The following ZNF565 variants were observed in gnomAD, a reference collection of about 807,000 sequenced individuals.
ZNF565 encodes the protein zinc finger protein 565.
A neutral mutation model predicts 39.4 loss-of-function variants in ZNF565; 27 were observed. The ratio of observed to expected loss-of-function variants is 0.69; its 90% confidence interval spans 0.51 to 0.95. ZNF565 has a LOEUF of 0.95. Among genes scored for constraint, ZNF565 ranks in the 40% least tolerant of loss-of-function variants. The probability of loss-of-function intolerance (pLI) is 0.00; values close to 1 mark genes in which losing one functional copy is unlikely to be tolerated. For synonymous variants in ZNF565, 185 were observed against 216.6 expected (o/e 0.85, Z 1.28); for missense variants, 524 against 621.1 (o/e 0.84, Z 1.66).
intron 1 of ZNF565, chr19:36,236,628 A>G: frequency 1.2e-6 from 2 of 1,614,224 alleles, no homozygotes; most frequent in East Asian, 2.2e-5. Flanking sequence ...ATTAAACATC[A>G]GAACACCCAT....
intron 1 of ZNF565, among the ~76,000 whole-genome samples, chr19:36,230,148 A>G (rs767840681): frequency 2.6e-5 from 4 of 152,228 alleles, no homozygotes; most frequent in Non-Finnish European, 4.4e-5. Flanking sequence ...ACTACATAGC[A>G]TTTACTTTTT....
rs772972004 is a variant in ZNF565 at position 36,182,815 on chromosome 19, ACT to A, written c.1149_1150del (p.Arg383SerfsTer9). 9 of 1,614,006 alleles carry A rather than the reference ACT, an allele frequency of 5.6e-6. No homozygotes were observed. Among genetic ancestry groups the A allele is most frequent in the African/African-American group, 1.3e-5 (1 of 74,976 alleles). ...TTCATAGGGTCTGTCGCCAGTATGG[ACT>A]CTCTGATGTCGTGTGAGCTGTGCGT... On this transcript the variant is annotated frameshift_variant, in exon 5 of 5. Coordinates refer to ENST00000304116, the MANE Select transcript of ZNF565 (RefSeq NM_152477.5). LOFTEE classifies it high-confidence loss of function.
upstream of ZNF565, among the ~76,000 whole-genome samples, chr19:36,217,885 CAAAA>C (rs10590776): frequency 7.5e-5 from 10 of 133,264 alleles, no homozygotes; most frequent in Non-Finnish European, 9.7e-5. Context: ...AACTCCATCT[CAAAA>C]AAAAAAAAAA....
chr19:36,193,428 GTTTTTCT>G (rs1483585085), intron 4 of ZNF565, among the ~76,000 whole-genome samples: 1 of 148,822 alleles, frequency 6.7e-6, no homozygotes, highest in African/African-American at 2.5e-5. Flanking sequence ...AAGAAAATAA[GTTTTTCT>G]TTTTTCTTTT....
In ZNF565 at chr19:36,202,005, C is replaced by T. The variant is rs1472801555; in HGVS notation, c.-20G>A. The T allele has an allele frequency of 6.2e-7, 1 of 1,614,098 alleles. No individual in the cohort carries two copies. The highest frequency in any genetic ancestry group is 8.5e-7 in the Non-Finnish European group (1 of 1,179,992). The stretch of plus-strand genomic sequence containing the variant: ...GGCCATGGCTTTTAGAACTATTTGA[C>T]CTGCTCTGATTTCTCTGGATTCTTC... On this transcript the variant is annotated 5_prime_UTR_variant, in exon 2 of 5. Coordinates refer to ENST00000304116, the MANE Select transcript of ZNF565 (RefSeq NM_152477.5).
chr19:36,182,686 G>T lies in ZNF565; in HGVS notation c.1280C>A (p.Ala427Asp), dbSNP rs200693879. 4.3e-6 allele frequency: 7 copies of T among 1,614,164 alleles called. No individual in the cohort carries two copies. Among genetic ancestry groups the T allele is most frequent in the Non-Finnish European group, 5.9e-6 (7 of 1,180,028 alleles). Residue 427 changes from alanine to aspartate, a missense_variant, in exon 5 of 5, where the codon GCC (alanine) becomes GAC (aspartate). Physicochemically the swap from Ala to Asp is moderately radical, Grantham distance 126. Transcript: ENST00000304116. Reference protein sequence around the residue: ...KPYECKECGKAFIRVSQLTHH... With the variant: ...KPYECKECGKDFIRVSQLTHH... The stretch of plus-strand genomic sequence containing the variant: ...AGTCAGTTGTGAAACACGAATAAAG[G>T]CCTTCCCACATTCCTTACATTCGTA...
intron 4 of ZNF565, among the ~76,000 whole-genome samples, chr19:36,186,642 A>G (rs1975311085): frequency 6.6e-6 from 1 of 152,114 alleles, no homozygotes; most frequent in Admixed American, 6.6e-5. Context: ...ACAAAAAATT[A>G]GCTGGGCATG....
chr19:36,216,324 A>G (rs1250783893), upstream of ZNF565, among the ~76,000 whole-genome samples: 3 of 152,128 alleles, frequency 2.0e-5, no homozygotes, highest in Non-Finnish European at 4.4e-5. Context: ...AAGTGTGCGC[A>G]AACTTAAGTG....
At chr19:36,199,575 T>G (rs529451117) in intron 2 of ZNF565, among the ~76,000 whole-genome samples, 1 of 148,376 alleles carries the variant, frequency 6.7e-6, no homozygotes, top group East Asian at 2.0e-4. Context: ...TGGCATGATC[T>G]CGGCTCACTG....
chr19:36,238,355 ACT>A (rs1169736125), intron 1 of ZNF565: 1 of 167,044 alleles, frequency 6.0e-6, no homozygotes, highest in Admixed American at 6.6e-5. Context: ...TACAGACCAA[ACT>A]CTTGATAGTG....
intron 1 of ZNF565, among the ~76,000 whole-genome samples, chr19:36,229,876 C>T (rs1977247727): frequency 6.6e-6 from 1 of 152,166 alleles, no homozygotes; most frequent in Admixed American, 6.5e-5. Flanking sequence ...TGTGCCATCA[C>T]ACCTGGCTAA....
At chr19:36,228,278 A>G (rs964987005) in intron 1 of ZNF565, among the ~76,000 whole-genome samples, 20 of 149,100 alleles carry the variant, frequency 1.3e-4, no homozygotes, top group African/African-American at 5.0e-4. Flanking sequence ...ACTTCTTCAC[A>G]TTGTGCCCAT....
intron 1 of ZNF565, chr19:36,236,695 A>G (rs1977657014): frequency 1.2e-6 from 2 of 1,614,110 alleles, no homozygotes; most frequent in Non-Finnish European, 1.7e-6. Flanking sequence ...GCCAGAAGGA[A>G]AACCTCCTTA....
chr19:36,182,921 C>T lies in ZNF565; in HGVS notation c.1045G>A (p.Glu349Lys), dbSNP rs1409405400. The T allele has an allele frequency of 4.3e-6, 7 of 1,613,190 alleles. No individual in the cohort carries two copies. Among genetic ancestry groups the T allele is most frequent in the Non-Finnish European group, 5.9e-6 (7 of 1,179,800 alleles). The part of the protein sequence containing the change: ...ECGKGFIHSS[E>K]VTRHQRIHSG... ...TGAATTCTTTGATGTCGAGTAACTTCTGAGCTGTGAATAAAGCCCTTTCCG... is the reference window on the plus strand; with the variant it reads ...TGAATTCTTTGATGTCGAGTAACTTTTGAGCTGTGAATAAAGCCCTTTCCG... The change falls in exon 5 of 5, where the codon GAA becomes AAA. Residue 349 changes from glutamate to lysine, a missense_variant. Glu to Lys is a moderately conservative substitution (Grantham distance 56, BLOSUM62 1). Coordinates refer to ENST00000304116, the MANE Select transcript of ZNF565 (RefSeq NM_152477.5).
chr19:36,209,356 A>C (rs2145361418), intron 1 of ZNF565, among the ~76,000 whole-genome samples: 1 of 152,226 alleles, frequency 6.6e-6, no homozygotes, highest in South Asian at 2.1e-4. Context: ...TTAGCTGGGC[A>C]TGATGGTGGA....
At chr19:36,238,259 T>G (rs1977716460) in intron 1 of ZNF565, 1 of 167,110 alleles carries the variant, frequency 6.0e-6, no homozygotes, top group Non-Finnish European at 1.5e-5. Context: ...AAATTTGAAT[T>G]AAAAGTTTCC....
intron 1 of ZNF565, among the ~76,000 whole-genome samples, chr19:36,242,140 G>A (rs2972539): frequency 0.33 from 49,403 of 151,972 alleles, 8,456 homozygotes; most frequent in Middle Eastern, 0.48. Context: ...GGCCAGGCAC[G>A]GTGGCTCACG....
chr19:36,206,512 G>A (rs1253160436), intron 1 of ZNF565, among the ~76,000 whole-genome samples: 1 of 151,968 alleles, frequency 6.6e-6, no homozygotes, highest in Non-Finnish European at 1.5e-5. Flanking sequence ...TATGGCCATA[G>A]ACATGATATT....
intron 1 of ZNF565, among the ~76,000 whole-genome samples, chr19:36,227,563 G>C (rs1035212054): frequency 6.6e-6 from 1 of 151,830 alleles, no homozygotes; most frequent in African/African-American, 2.4e-5. Context: ...AATGTTTTTT[G>C]AACTAATGGA....
Sources: gnomAD v4.1 joint callset for allele counts (sites outside exome capture counted in the v4.1 genomes callset) on GRCh38, gnomAD v4.1.1 for gene constraint, MANE v1.5 for transcripts, NCBI Gene and HGNC (gene_info 2026-07-23, HGNC 2026-07-21) for gene names.